Variants in CTNNA2 observed in about 807,000 individuals in gnomAD.
The protein encoded by CTNNA2 is catenin alpha 2.
CTNNA2 carries 42 observed loss-of-function variants against 101.0 expected under a neutral mutation model. The observed-to-expected ratio is 0.42, with a 90% CI of 0.32 to 0.54. The LOEUF is 0.54. Among genes scored for constraint, CTNNA2 ranks in the 20% least tolerant of loss-of-function variants. CTNNA2 has a pLI of 0.14. For synonymous variants in CTNNA2, 450 were observed against 456.4 expected (o/e 0.99, Z 0.18); for missense variants, 871 against 1,223.1 (o/e 0.71, Z 4.29).
At chr2:79,888,041 G>A (rs1223148067) in intron 6 of CTNNA2, among the ~76,000 whole-genome samples, 1 of 152,142 alleles carries the variant, frequency 6.6e-6, no homozygotes, top group East Asian at 1.9e-4. Flanking sequence ...CCCAAGGGAT[G>A]CAAATATGGA....
chr2:80,432,224 G>A (rs569555019), intron 9 of CTNNA2, among the ~76,000 whole-genome samples: 2 of 152,126 alleles, frequency 1.3e-5, no homozygotes, highest in Admixed American at 1.3e-4. Flanking sequence ...AACATTCTCT[G>A]TCCCTCAAAG....
intron 7 of CTNNA2, chr2:80,163,086 A>G (rs143179215): frequency 1.9e-6 from 3 of 1,579,550 alleles, no homozygotes; most frequent in East Asian, 2.2e-5. Context: ...GAAATTCACA[A>G]ACGCAAACTG....
rs72400269 is a variant in CTNNA2, at chr2:80,449,287, TTAAATAAA to T, written c.1290+29717_1290+29724del. Among the ~76,000 whole-genome samples the T allele has an allele frequency of 6.7e-3, 1,003 of 149,900 alleles. 7 individuals are homozygous for T. Among genetic ancestry groups the T allele is most frequent in the East Asian group, 0.026 (129 of 5,018 alleles). ...CAGAGCAAGACCCTGGTCTCTAAAA[TTAAATAAA>T]TAAATAAATAAATAAATAAATAAAT... On this transcript the variant is annotated intron_variant, in intron 9 of 18. Transcript: ENST00000402739.
intron 1 of CTNNA2, among the ~76,000 whole-genome samples, chr2:79,605,519 A>C (rs1677828662): frequency 7.2e-6 from 1 of 139,052 alleles, no homozygotes; most frequent in Admixed American, 7.1e-5. Context: ...TTCAAGATCA[A>C]GGATAACCAT....
chr2:80,634,031 A>T (rs1287666686), intron 18 of CTNNA2, among the ~76,000 whole-genome samples: 1 of 152,174 alleles, frequency 6.6e-6, no homozygotes. Flanking sequence ...ATACTGAACT[A>T]GGCATTGTGC....
intron 7 of CTNNA2, among the ~76,000 whole-genome samples, chr2:79,944,820 C>A (rs1688389143): frequency 6.6e-6 from 1 of 152,132 alleles, no homozygotes; most frequent in Non-Finnish European, 1.5e-5. Flanking sequence ...GTCCTCCATA[C>A]ACAATGACAG....
At chr2:79,224,704 C>T (rs1674386487) in intron 2 of CTNNA2, among the ~76,000 whole-genome samples, 1 of 151,952 alleles carries the variant, frequency 6.6e-6, no homozygotes, top group Non-Finnish European at 1.5e-5. Context: ...CAGAATATTA[C>T]TGTCAACCCA....
At chr2:79,304,474 CA>C (rs1404239066) in intron 2 of CTNNA2, among the ~76,000 whole-genome samples, 1 of 151,414 alleles carries the variant, frequency 6.6e-6, no homozygotes, top group Non-Finnish European at 1.5e-5. Context: ...TTCCAAGGCT[CA>C]CCCAGGTGAG....
chr2:80,470,689 T>A (rs1247382067), intron 9 of CTNNA2, among the ~76,000 whole-genome samples: 1 of 152,132 alleles, frequency 6.6e-6, no homozygotes, highest in Non-Finnish European at 1.5e-5. Context: ...GGAGATGCTG[T>A]CCAAGACGGA....
intron 4 of CTNNA2, among the ~76,000 whole-genome samples, chr2:79,438,988 A>G (rs148718028): frequency 6.6e-6 from 1 of 152,342 alleles, no homozygotes; most frequent in African/African-American, 2.4e-5. Context: ...TAACTAGTAC[A>G]TCCACTTTGG....
chr2:79,593,282 A>G (rs979264666), intron 1 of CTNNA2, among the ~76,000 whole-genome samples: 2 of 152,164 alleles, frequency 1.3e-5, no homozygotes, highest in African/African-American at 4.8e-5. Context: ...TTTCTCAACC[A>G]TAGGATAATA....
At chr2:80,473,477 A>G (rs1035601079) in intron 9 of CTNNA2, among the ~76,000 whole-genome samples, 1 of 152,228 alleles carries the variant, frequency 6.6e-6, no homozygotes, top group African/African-American at 2.4e-5. Flanking sequence ...TAATTTTCCT[A>G]AAATGAAAAT....
chr2:79,546,044 A>C (rs999117996), intron 1 of CTNNA2, among the ~76,000 whole-genome samples: 2 of 152,146 alleles, frequency 1.3e-5, no homozygotes, highest in African/African-American at 2.4e-5. Flanking sequence ...GTTGGGGAAG[A>C]GGTGGGGTTT....
At chr2:80,248,933 T>A (rs1671547971) in intron 7 of CTNNA2, among the ~76,000 whole-genome samples, 1 of 152,170 alleles carries the variant, frequency 6.6e-6, no homozygotes, top group Non-Finnish European at 1.5e-5. Flanking sequence ...AGGAATATTG[T>A]TTGATAAAAG....
intron 7 of CTNNA2, among the ~76,000 whole-genome samples, chr2:79,937,657 A>G (rs1271353739): frequency 6.6e-6 from 1 of 152,234 alleles, no homozygotes; most frequent in Non-Finnish European, 1.5e-5. Context: ...TTAAATATTA[A>G]GAAGATACTG....
chr2:79,719,775 A>C (rs775182317), intron 2 of CTNNA2, among the ~76,000 whole-genome samples: 11 of 151,714 alleles, frequency 7.3e-5, no homozygotes, highest in Non-Finnish European at 1.2e-4. Flanking sequence ...TAACTTCCTT[A>C]TGTATTCTGG....
rs1481649044 is a variant in CTNNA2 at position 80,160,906 on chromosome 2, G to T, written c.1057-232305G>T. Reference sequence around the variant, plus strand: ...AATGTTGACTATAGTTTTTTTTTTTGGTAGATACATTATATCAGGTTGAAA... The same window carrying T: ...AATGTTGACTATAGTTTTTTTTTTTTGTAGATACATTATATCAGGTTGAAA... On this transcript the variant is annotated intron_variant, in intron 7 of 18. Transcript: ENST00000402739. Among the ~76,000 whole-genome samples, 51 of 146,770 alleles carry T rather than the reference G, an allele frequency of 3.5e-4. 1 individual carries two copies. The highest frequency in any genetic ancestry group is 6.9e-3 in the Middle Eastern group (2 of 290).
chr2:79,296,933 A>T (rs1238632120), intron 2 of CTNNA2, among the ~76,000 whole-genome samples: 1 of 152,114 alleles, frequency 6.6e-6, no homozygotes, highest in East Asian at 1.9e-4. Flanking sequence ...TTCAAGCCTC[A>T]TAAGAAAGGT....
intron 6 of CTNNA2, among the ~76,000 whole-genome samples, chr2:79,880,661 A>AT (rs1352062079): frequency 2.0e-5 from 3 of 152,030 alleles, no homozygotes; most frequent in African/African-American, 7.2e-5. Flanking sequence ...GTCAATGGTG[A>AT]TATCTCCTTT....
Sources: gnomAD v4.1 joint callset for allele counts (sites outside exome capture counted in the v4.1 genomes callset) on GRCh38, gnomAD v4.1.1 for gene constraint, MANE v1.5 for transcripts, NCBI Gene and HGNC (gene_info 2026-07-23, HGNC 2026-07-21) for gene names.